Variants in PDE4DIP observed in about 807,000 individuals in gnomAD.
The protein encoded by PDE4DIP is myomegalin.
In PDE4DIP, 59 loss-of-function variants were observed where a neutral mutation model predicts 221.4. The ratio of observed to expected loss-of-function variants is 0.27; its 90% CI spans 0.22 to 0.33. The LOEUF (loss-of-function observed/expected upper bound fraction) is 0.33. Ranked by LOEUF, PDE4DIP falls within the 10% of genes least tolerant of loss-of-function variation. The pLI is 1.00. For missense variants in PDE4DIP, 1,036 were observed against 2,154.2 expected (o/e 0.48, Z 10.28); for synonymous variants, 404 against 815.9 (o/e 0.50, Z 8.60).
intron 36 of PDE4DIP, 178 bp from the exon 40 acceptor site, chr1:149,020,851 T>C (rs376775109): frequency 4.5e-4 from 259 of 576,990 alleles, no homozygotes; most frequent in South Asian, 6.5e-4. Flanking sequence ...TCCATTTCCA[T>C]ATCTGCGAAA....
chr1:148,882,031 A>T (rs1468887359), intron 3 of PDE4DIP, among the ~76,000 whole-genome samples: 7 of 120,918 alleles, frequency 5.8e-5, no homozygotes, highest in Non-Finnish European at 3.3e-5. Context: ...GGCCCAAGTC[A>T]TTCAAAACAG....
intron 1 of PDE4DIP, among the ~76,000 whole-genome samples, chr1:148,862,108 T>G (rs1271568780): frequency 8.8e-5 from 12 of 136,650 alleles, no homozygotes; most frequent in African/African-American, 3.3e-4. Context: ...TAGAGCAGCC[T>G]TGTCTACTGA....
intron 1 of PDE4DIP, among the ~76,000 whole-genome samples, chr1:148,915,337 A>T (rs1553457546): frequency 1.3e-5 from 2 of 152,294 alleles, no homozygotes; most frequent in African/African-American, 4.8e-5. Context: ...TTTAGTAGAG[A>T]CGGGGTTTCA....
intron 17 of PDE4DIP, among the ~76,000 whole-genome samples, chr1:148,976,191 G>T (rs1426633226): frequency 6.6e-6 from 1 of 152,182 alleles, no homozygotes; most frequent in African/African-American, 2.4e-5. Context: ...TCATGAAATT[G>T]TAATGCCTAT....
intron 1 of PDE4DIP, among the ~76,000 whole-genome samples, chr1:148,813,073 C>T (rs1778752): frequency 0.062 from 3,209 of 51,392 alleles, 62 homozygotes; most frequent in Admixed American, 0.14. Flanking sequence ...CTATAATTAT[C>T]TGTGCACATG....
intron 19 of PDE4DIP, 124 bp from the exon 23 acceptor site, chr1:148,979,613 C>G: frequency 1.3e-6 from 1 of 760,014 alleles, no homozygotes; most frequent in Non-Finnish European, 2.2e-6. Context: ...AAAATAGTAT[C>G]AAAAGCTTAA....
exon 44 of PDE4DIP, chr1:149,032,141 A>T: frequency 7.0e-7 from 1 of 1,433,490 alleles, no homozygotes; most frequent in Non-Finnish European, 9.6e-7. Flanking sequence ...CAGAAGAGGG[A>T]GTCAGAGATG....
At chr1:148,836,221 GA>G (rs1673354371) in intron 1 of PDE4DIP, among the ~76,000 whole-genome samples, 1 of 152,012 alleles carries the variant, frequency 6.6e-6, no homozygotes, top group African/African-American at 2.4e-5. Flanking sequence ...ATGGGCGTAG[GA>G]CCCCCCCGAG....
At chr1:148,951,947 C>T (rs1158366167) in intron 5 of PDE4DIP, 57 of 849,058 alleles carry the variant, frequency 6.7e-5, no homozygotes, top group East Asian at 9.7e-5. Context: ...AGAACCCAGG[C>T]GGGGCGGGGC....
chr1:149,000,638 G>A (rs1282593727), intron 23 of PDE4DIP, among the ~76,000 whole-genome samples: 2 of 151,978 alleles, frequency 1.3e-5, no homozygotes, highest in Non-Finnish European at 2.9e-5. Context: ...TAGCTCTACA[G>A]CTTTTTAAAC....
chr1:148,999,619 T>C (rs2065145322), intron 23 of PDE4DIP, among the ~76,000 whole-genome samples: 1 of 151,850 alleles, frequency 6.6e-6, no homozygotes, highest in African/African-American at 2.4e-5. Flanking sequence ...AATAACTTTT[T>C]CCTTAAGTTC....
At position 148,863,231 on chromosome 1, in the gene PDE4DIP, G is replaced by T. The variant is rs782561333; in HGVS notation, c.234-19G>T. ...GTGGGGTAGTATCTCATTAATTAAT[G>T]ATGTGTTTGCCTCCACAGAGATTAT... On this transcript the variant is annotated intron_variant, in intron 1 of 45. Coordinates refer to the PDE4DIP transcript ENST00000524974. 5.0e-6 allele frequency: 2 copies of T among 400,474 alleles called. 1 individual carries two copies. The highest frequency in any genetic ancestry group is 8.3e-5 in the Admixed American group (2 of 24,074). 24.8% of individuals were successfully genotyped at this position (400,474 alleles called of 1,614,324 possible).
intron 5 of PDE4DIP, chr1:148,952,413 C>A (rs1271560496): frequency 6.5e-6 from 7 of 1,084,802 alleles, no homozygotes; most frequent in South Asian, 8.3e-5. Context: ...CGCGGCCGGC[C>A]GCTGCTGCTC....
intron 1 of PDE4DIP, among the ~76,000 whole-genome samples, chr1:148,813,945 C>CT (rs56218480): frequency 7.9e-4 from 13 of 16,490 alleles, no homozygotes; most frequent in African/African-American, 3.5e-3. Flanking sequence ...ATTTATCTGC[C>CT]TTTTTTTTTT....
intron 43 of PDE4DIP, among the ~76,000 whole-genome samples, chr1:149,031,583 G>T (rs1312383785): frequency 6.9e-6 from 1 of 145,202 alleles, no homozygotes; most frequent in Non-Finnish European, 1.5e-5. Context: ...GTTTCTATAT[G>T]TGCATGTTTC....
At chr1:149,000,238 G>A (rs1307696777) in intron 23 of PDE4DIP, among the ~76,000 whole-genome samples, 1 of 152,110 alleles carries the variant, frequency 6.6e-6, no homozygotes, top group Admixed American at 6.6e-5. Flanking sequence ...CTAGCTCAGG[G>A]GTTCTCAGTT....
chr1:148,892,390 A>G lies in PDE4DIP; in HGVS notation c.141+2496A>G, dbSNP rs373505809. On this transcript the variant is annotated intron_variant, in intron 1 of 43. Transcript: ENST00000369354. ...CCTAGCGAAAGATCTTTAGGAAACA[A>G]CTTTGGGTGGGGTGTGAGAAGGCAC... Among the ~76,000 whole-genome samples the G allele has an allele frequency of 4.1e-5, 5 of 121,426 alleles. 1 individual carries two copies. Among genetic ancestry groups the G allele is most frequent in the South Asian group, 3.1e-4 (1 of 3,210 alleles). 79.7% of individuals were successfully genotyped at this position (121,426 alleles called of 152,430 possible). A position where few individuals can be genotyped will look rare whatever the true frequency, so the allele number is the denominator to read the frequency against.
rs587738545 is a variant in PDE4DIP at position 148,987,171 on chromosome 1, A to C, written c.2816-4714A>C. ...CCTAAGGCTACTTAAGAGATGTTGC[A>C]ATTTAAAGACAAAGATACACCATAA... On this transcript the variant is annotated intron_variant, in intron 21 of 43. Transcript: ENST00000369354. Among the ~76,000 whole-genome samples, 11 of 152,328 alleles carry C rather than the reference A, an allele frequency of 7.2e-5. No homozygotes were observed. The South Asian group carries it at 2.3e-3, about 32-fold the overall frequency.
chr1:148,827,356 G>A lies in PDE4DIP; in HGVS notation c.233+18619G>A, dbSNP rs587758394. On this transcript the variant is annotated intron_variant, in intron 1 of 45. Coordinates refer to the PDE4DIP transcript ENST00000524974. ...TGCAAGCTCTGCCTCCCGGATTCAC[G>A]CCATTCTCCTGTCTCAGCCTCCCGA... 1.1e-4 allele frequency among the ~76,000 whole-genome samples: 11 copies of A among 101,642 alleles called. 1 individual carries two copies. In the South Asian group the frequency reaches 3.6e-3, roughly 33 times the overall value. 66.7% of individuals were successfully genotyped at this position (101,642 alleles called of 152,430 possible).
Sources: gnomAD v4.1 joint callset for allele counts (sites outside exome capture counted in the v4.1 genomes callset) on GRCh38, gnomAD v4.1.1 for gene constraint, MANE v1.5 for transcripts, NCBI Gene and HGNC (gene_info 2026-07-23, HGNC 2026-07-21) for gene names.